Variants in PLA2G4D observed in about 807,000 individuals in gnomAD.
PLA2G4D encodes cytosolic phospholipase A2 delta.
PLA2G4D carries 80 observed loss-of-function variants against 94.4 expected under a neutral mutation model. That is an observed-to-expected ratio of 0.85 (90% CI 0.71 to 1.02). PLA2G4D has a LOEUF of 1.02. PLA2G4D is among the 50% of genes least tolerant of loss of function. The probability of loss-of-function intolerance (pLI) is 0.00; values close to 1 mark genes in which losing one functional copy is unlikely to be tolerated. For synonymous variants in PLA2G4D, 438 were observed against 440.9 expected (o/e 0.99, Z 0.08); for missense variants, 1,050 against 1,034.7 (o/e 1.01, Z -0.20).
intron 13 of PLA2G4D, among the ~76,000 whole-genome samples, chr15:42,076,750 G>C (rs1323550647): frequency 6.6e-6 from 1 of 152,200 alleles, no homozygotes; most frequent in African/African-American, 2.4e-5. Flanking sequence ...TACACTGGTA[G>C]TGGGAGTGTG....
Position 42,071,824 on chromosome 15 carries a change from A to T in PLA2G4D, c.1523T>A (p.Met508Lys), listed in dbSNP as rs748051102. 3 of 1,614,062 alleles carry T rather than the reference A, an allele frequency of 1.9e-6. No homozygotes were observed. Among genetic ancestry groups the T allele is most frequent in the Non-Finnish European group, 2.5e-6 (3 of 1,180,030 alleles). The change falls in exon 15 of 20, where the codon ATG becomes AAG. Residue 508 changes from methionine to lysine, a missense_variant. Coordinates refer to ENST00000290472, the MANE Select transcript of PLA2G4D (RefSeq NM_178034.4). ...PPELFGSEFF[M>K]GRLMRRIPEP... ...CGGGATCCTCCTCATCAGCCGTCCC[A>T]TGAAGAACTCGGAGCCGAAGAGCTC...
At chr15:42,085,292 GGAGAGAGCA>G (rs1890119586) in intron 5 of PLA2G4D, among the ~76,000 whole-genome samples, 154 bp from the exon 6 acceptor site, 1 of 152,128 alleles carries the variant, frequency 6.6e-6, no homozygotes, top group Admixed American at 6.5e-5. Context: ...AGAGGGGAGG[GGAGAGAGCA>G]GAGAGAGAAA....
In PLA2G4D at chr15:42,071,232, A is replaced by C. The variant is rs201990564; in HGVS notation, c.1767T>G (p.Phe589Leu). 8.1e-6 allele frequency: 13 copies of C among 1,613,106 alleles called. No individual in the cohort carries two copies. The East Asian group carries it at 2.7e-4, about 33-fold the overall frequency. ...LQPGTALAQA[F>L]KGFLTGRPLH... ...GGGGCCTGCCTGTCAGGAAGCCTTT[A>C]AATGCCTGGGCCAGCGCCGTGCCTG... is the stretch of plus-strand genomic sequence containing the variant. The change falls in exon 17 of 20, where the codon TTT becomes TTG. Residue 589 changes from phenylalanine (F) to leucine (L), a missense_variant. By Grantham distance (22) the Phe-to-Leu change is conservative (BLOSUM62 0). Transcript: ENST00000290472.
Position 42,085,477 on chromosome 15 carries a change from G to A in PLA2G4D, c.428+14C>T, listed in dbSNP as rs1185788736. 1.2e-6 allele frequency: 2 copies of A among 1,613,936 alleles called. No individual in the cohort carries two copies. Among genetic ancestry groups the A allele is most frequent in the Non-Finnish European group, 1.7e-6 (2 of 1,179,942 alleles). ...AGTCCTGAGACACTCCCTGGGCTGT[G>A]TGACATTACTCACGTTTCTTCCATC... is the stretch of plus-strand genomic sequence containing the variant. On this transcript the variant is annotated intron_variant, in intron 5 of 19. Transcript: ENST00000290472.
intron 13 of PLA2G4D, among the ~76,000 whole-genome samples, chr15:42,073,281 G>A (rs1395098190): frequency 6.6e-6 from 1 of 152,216 alleles, no homozygotes; most frequent in African/African-American, 2.4e-5. Context: ...TTACAGGCGT[G>A]AGGCACCATG....
At chr15:42,074,025 C>T (rs1484448476) in intron 13 of PLA2G4D, among the ~76,000 whole-genome samples, 4 of 152,186 alleles carry the variant, frequency 2.6e-5, no homozygotes, top group Admixed American at 6.5e-5. Flanking sequence ...GGTGTACGTA[C>T]GAGTCAGTCC....
chr15:42,079,759 C>A lies in PLA2G4D; in HGVS notation c.1095G>T (p.Trp365Cys). 6.3e-7 allele frequency: 1 copy of A among 1,597,634 alleles called. No homozygotes were observed. The highest frequency in any genetic ancestry group is 1.4e-5 in the African/African-American group (1 of 73,580). Residue 365 changes from tryptophan to cysteine, a missense_variant and splice_region_variant, in exon 13 of 20, where the codon TGG becomes TGT. Trp to Cys is a radical substitution (Grantham distance 215, BLOSUM62 -2). Transcript: ENST00000290472. ...GGTCCCCGTACAGGTGGGCCATTGTCCTGGAAGAACGAGGGGACAGAACAG... is the reference window on the plus strand; with the variant it reads ...GGTCCCCGTACAGGTGGGCCATTGTACTGGAAGAACGAGGGGACAGAACAG... ...TYFSGISGST[W>C]TMAHLYGDPE... is the part of the protein sequence containing the mutation.
chr15:42,072,262 G>A lies in PLA2G4D; in HGVS notation c.1435+13C>T. ...GGGTGGAGTATGTGGGAGGGGAGTA[G>A]GTAGAACTGTACCCTTGAAGTCCAG... On this transcript the variant is annotated intron_variant, in intron 14 of 19. Transcript: ENST00000290472. 6.2e-7 allele frequency: 1 copy of A among 1,603,572 alleles called. No individual in the cohort carries two copies. The highest frequency in any genetic ancestry group is 8.5e-7 in the Non-Finnish European group (1 of 1,171,032).
At chr15:42,087,233 C>A (rs78042001) in intron 3 of PLA2G4D, 67 bp downstream of exon 3, 154,346 of 1,600,312 alleles carry the variant, frequency 0.096, 8,296 homozygotes, top group Non-Finnish European at 0.11. Context: ...CATGCTCTAC[C>A]CCAGGAACCC....
chr15:42,087,731 C>T, intron 1 of PLA2G4D, 31 bp from the exon 2 acceptor site: 1 of 1,606,308 alleles, frequency 6.2e-7, no homozygotes, highest in Non-Finnish European at 8.5e-7. Flanking sequence ...CAGAGTCCTT[C>T]CTGCATTCCC....
chr15:42,094,101 C>T (rs1008097782), intron 1 of PLA2G4D, among the ~76,000 whole-genome samples: 17 of 152,098 alleles, frequency 1.1e-4, no homozygotes, highest in African/African-American at 4.1e-4. Flanking sequence ...GGCTGTGGGC[C>T]TGGTGGGTCT....
At chr15:42,069,666 G>T (rs1306778986) in intron 19 of PLA2G4D, among the ~76,000 whole-genome samples, 1 of 152,056 alleles carries the variant, frequency 6.6e-6, no homozygotes, top group African/African-American at 2.4e-5. Flanking sequence ...AAGGCTGCAG[G>T]AGCCCGGCAT....
chr15:42,076,965 T>C (rs1889940983), intron 13 of PLA2G4D, among the ~76,000 whole-genome samples: 2 of 152,202 alleles, frequency 1.3e-5, no homozygotes, highest in African/African-American at 2.4e-5. Context: ...GTGAAAATAT[T>C]GTGAACTGGA....
At chr15:42,091,133 TA>T (rs1890237877) in intron 1 of PLA2G4D, among the ~76,000 whole-genome samples, 1 of 152,218 alleles carries the variant, frequency 6.6e-6, no homozygotes, top group African/African-American at 2.4e-5. Context: ...AATACTGTAC[TA>T]ACCATATTAC....
chr15:42,086,194 T>TGGGGGGGGGGGGCGC lies in PLA2G4D; in HGVS notation c.387+18_387+19insGCGCCCCCCCCCCCC. 5.8e-6 allele frequency: 8 copies of TGGGGGGGGGGGGCGC among 1,370,438 alleles called. No homozygotes were observed. The highest frequency in any genetic ancestry group is 1.6e-5 in the African/African-American group (1 of 64,356). The allele number at this position is 1,370,438 out of a possible 1,614,324, so 84.9% of individuals were successfully genotyped here. The stretch of plus-strand genomic sequence containing the variant: ...GGAAGAAGTGGGGCCCACGGGGACT[T>TGGGGGGGGGGGGCGC]CCCCACCCACCCACCCACCTGGGGA... On this transcript the variant is annotated intron_variant, in intron 4 of 19. Transcript: ENST00000290472.
At chr15:42,085,445 G>A (rs764660701) in intron 5 of PLA2G4D, 46 bp downstream of exon 5, 81 of 1,607,752 alleles carry the variant, frequency 5.0e-5, no homozygotes, top group Non-Finnish European at 4.2e-5. Flanking sequence ...CATTTCCTCA[G>A]AGCCTGAGTC....
Position 42,086,194 on chromosome 15 carries a change from T to TTGGGGGGGGGGGGCCCCCC in PLA2G4D, c.387+18_387+19insGGGGGGCCCCCCCCCCCCA. ...GGAAGAAGTGGGGCCCACGGGGACT[T>TTGGGGGGGGGGGGCCCCCC]CCCCACCCACCCACCCACCTGGGGA... is the stretch of plus-strand genomic sequence containing the variant. On this transcript the variant is annotated intron_variant, in intron 4 of 19. Coordinates refer to ENST00000290472, the MANE Select transcript of PLA2G4D (RefSeq NM_178034.4). 7.3e-7 allele frequency: 1 copy of TTGGGGGGGGGGGGCCCCCC among 1,370,444 alleles called. No individual in the cohort carries two copies. Among genetic ancestry groups the TTGGGGGGGGGGGGCCCCCC allele is most frequent in the Non-Finnish European group, 9.6e-7 (1 of 1,043,084 alleles). The allele number at this position is 1,370,444 out of a possible 1,614,324, so 84.9% of individuals were successfully genotyped here.
chr15:42,076,005 A>G (rs1889916503), intron 13 of PLA2G4D, among the ~76,000 whole-genome samples: 4 of 152,214 alleles, frequency 2.6e-5, no homozygotes, highest in African/African-American at 9.6e-5. Context: ...AGAATTCTGA[A>G]GAACAATTCA....
In PLA2G4D at chr15:42,094,497, C is replaced by T; in HGVS notation, c.-38G>A. On this transcript the variant is annotated 5_prime_UTR_variant, in exon 1 of 20. It introduces an in-frame stop codon into an upstream open reading frame of the 5' UTR. Coordinates refer to ENST00000290472, the MANE Select transcript of PLA2G4D (RefSeq NM_178034.4). ...AGCTTCACTCCAGGCCCAGCCCTTG[C>T]CAAGATGCTGGCTCTCTGGCTGAGT... 1 of 1,613,572 alleles carries T rather than the reference C, an allele frequency of 6.2e-7. No individual in the cohort carries two copies. The highest frequency in any genetic ancestry group is 8.5e-7 in the Non-Finnish European group (1 of 1,179,676).
Sources: gnomAD v4.1 joint callset for allele counts (sites outside exome capture counted in the v4.1 genomes callset) on GRCh38, gnomAD v4.1.1 for gene constraint, MANE v1.5 for transcripts, NCBI Gene and HGNC (gene_info 2026-07-23, HGNC 2026-07-21) for gene names.